MAN1A1: variants seen among roughly 807,000 people sequenced by gnomAD.
The protein encoded by MAN1A1 is mannosyl-oligosaccharide 1,2-alpha-mannosidase IA.
A neutral mutation model predicts 70.8 loss-of-function variants in MAN1A1; 29 were observed. The ratio of observed to expected loss-of-function variants is 0.41; its 90% CI spans 0.31 to 0.56. The LOEUF (loss-of-function observed/expected upper bound fraction) is 0.56, where lower values mean the gene tolerates loss of function less well. Among genes scored for constraint, MAN1A1 ranks in the 20% least tolerant of loss-of-function variants. The pLI, the probability that MAN1A1 is intolerant of heterozygous loss-of-function variation, is 0.29. For missense variants in MAN1A1, 747 were observed against 841.3 expected (o/e 0.89, Z 1.39); for synonymous variants, 349 against 330.1 (o/e 1.06, Z -0.62).
At position 119,179,917 on chromosome 6, in the gene MAN1A1, C is replaced by T. The variant is rs778650770; in HGVS notation, c.1864G>A (p.Asp622Asn). ...KYLYLIFSDD[D>N]LLPLEHWIFN... ...ATCCAATGCTCCAGTGGAAGAAGATCGTCGTCAGAAAATATTAGGTACAAA... is the reference window on the plus strand; with the variant it reads ...ATCCAATGCTCCAGTGGAAGAAGATTGTCGTCAGAAAATATTAGGTACAAA... Residue 622 changes from aspartate (D) to asparagine (N), a missense_variant, in exon 13 of 13, where the codon GAT becomes AAT. Around this residue, in one of 2 missense-constraint regions of MAN1A1, gnomAD observed 419 missense variants for 548.2 expected, o/e 0.76. Coordinates refer to ENST00000368468, the MANE Select transcript of MAN1A1 (RefSeq NM_005907.4). The T allele has an allele frequency of 3.1e-6, 5 of 1,613,544 alleles. No individual in the cohort carries two copies. Among genetic ancestry groups the T allele is most frequent in the East Asian group, 2.2e-5 (1 of 44,860 alleles).
chr6:119,180,740 C>A (rs1030516322), intron 11 of MAN1A1, among the ~76,000 whole-genome samples: 1 of 151,902 alleles, frequency 6.6e-6, no homozygotes, highest in African/African-American at 2.4e-5. Flanking sequence ...TCTCAAACTC[C>A]TGGGCTCAAG....
At chr6:119,213,600 A>T (rs1364666168) in intron 6 of MAN1A1, among the ~76,000 whole-genome samples, 1 of 152,186 alleles carries the variant, frequency 6.6e-6, no homozygotes, top group Non-Finnish European at 1.5e-5. Context: ...ATCTGCATAT[A>T]ATCAGCTCTT....
chr6:119,325,621 C>T (rs529313508), intron 2 of MAN1A1, among the ~76,000 whole-genome samples: 9 of 152,280 alleles, frequency 5.9e-5, no homozygotes, highest in Admixed American at 5.2e-4. Context: ...TGCACCACTG[C>T]ACCCCAACGT....
chr6:119,213,428 A>T lies in MAN1A1; in HGVS notation c.993-8546T>A, dbSNP rs373909318. Among the ~76,000 whole-genome samples, 183 of 152,346 alleles carry T rather than the reference A, an allele frequency of 1.2e-3. 1 individual carries two copies. Among genetic ancestry groups the T allele is most frequent in the African/African-American group, 4.2e-3 (173 of 41,592 alleles). ...ACATAAAGATTAAAGAAAAAGACAAAAGAATAAAAAGGACAATAAAGAATA... is the reference window on the plus strand; with the variant it reads ...ACATAAAGATTAAAGAAAAAGACAATAGAATAAAAAGGACAATAAAGAATA... On this transcript the variant is annotated intron_variant, in intron 6 of 12. Transcript: ENST00000368468.
At chr6:119,263,450 T>C (rs532492027) in intron 5 of MAN1A1, among the ~76,000 whole-genome samples, 142 of 152,148 alleles carry the variant, frequency 9.3e-4, no homozygotes, top group African/African-American at 3.2e-3. Context: ...GAGCTAAACA[T>C]TGAGTACATA....
chr6:119,344,354 T>C (rs1052085054), intron 2 of MAN1A1, among the ~76,000 whole-genome samples: 7 of 152,238 alleles, frequency 4.6e-5, no homozygotes, highest in Admixed American at 1.3e-4. Context: ...TATGTATTTT[T>C]TTGCTTTTGT....
chr6:119,200,846 C>G (rs1365656171), intron 8 of MAN1A1, among the ~76,000 whole-genome samples: 2 of 152,188 alleles, frequency 1.3e-5, no homozygotes. Context: ...AGGCTCCTCT[C>G]TCATTATATA....
intron 6 of MAN1A1, among the ~76,000 whole-genome samples, chr6:119,247,683 T>C (rs1467398169): frequency 6.6e-6 from 1 of 152,152 alleles, no homozygotes; most frequent in African/African-American, 2.4e-5. Context: ...TCTCAAGAAC[T>C]TGGCATATCA....
intron 6 of MAN1A1, among the ~76,000 whole-genome samples, chr6:119,207,697 A>G (rs533037638): frequency 3.3e-5 from 5 of 152,340 alleles, no homozygotes; most frequent in African/African-American, 1.2e-4. Flanking sequence ...TGAGGAATCT[A>G]TGTGTTTATA....
intron 6 of MAN1A1, among the ~76,000 whole-genome samples, chr6:119,242,312 T>C (rs1775034856): frequency 6.6e-6 from 1 of 152,148 alleles, no homozygotes; most frequent in South Asian, 2.1e-4. Flanking sequence ...AGGGAGCAAA[T>C]TTAGTTTTGA....
chr6:119,301,900 A>G (rs1167855689), intron 4 of MAN1A1, 88 bp downstream of exon 4: 1 of 684,736 alleles, frequency 1.5e-6, no homozygotes, highest in Non-Finnish European at 2.6e-6. Flanking sequence ...GTTAGGGTAC[A>G]TTATAATACA....
At position 119,348,963 on chromosome 6, in the gene MAN1A1, C is replaced by A. The variant is rs1427096351; in HGVS notation, c.103G>T (p.Ala35Ser). Residue 35 changes from alanine (A) to serine (S), a missense_variant, in exon 2 of 13, where the codon GCC becomes TCC. This residue lies in a region of MAN1A1 where 328 missense variants were observed against 293.1 expected (regional missense o/e 1.12). Coordinates refer to ENST00000368468, the MANE Select transcript of MAN1A1 (RefSeq NM_005907.4). ...GGGRKGSGPA[A>S]LRLTEKFVLL... ...ACGAACTTCTCCGTCAGGCGGAGGG[C>A]GGCGGGGCCCGACCCCTTCCTGCCA... 1.3e-6 allele frequency: 2 copies of A among 1,518,924 alleles called. No individual in the cohort carries two copies. The highest frequency in any genetic ancestry group is 1.2e-5 in the South Asian group (1 of 80,004). 94.1% of individuals were successfully genotyped at this position (1,518,924 alleles called of 1,614,324 possible).
chr6:119,183,565 C>A (rs1293689335), intron 11 of MAN1A1, among the ~76,000 whole-genome samples: 1 of 152,148 alleles, frequency 6.6e-6, no homozygotes, highest in East Asian at 1.9e-4. Flanking sequence ...ATCCCAAAAC[C>A]TTTTCTTAGT....
At chr6:119,196,070 G>T (rs1773561523) in intron 8 of MAN1A1, among the ~76,000 whole-genome samples, 1 of 152,086 alleles carries the variant, frequency 6.6e-6, no homozygotes. Context: ...GAAGTGATAG[G>T]AAATGATGGC....
chr6:119,319,784 T>A (rs195054), intron 2 of MAN1A1, among the ~76,000 whole-genome samples: 17,811 of 152,240 alleles, frequency 0.12, 1,468 homozygotes, highest in Admixed American at 0.25. Flanking sequence ...TGTTCTTTCC[T>A]GGCCTCTTCA....
rs1487227755 is a variant in MAN1A1 at position 119,348,510 on chromosome 6, C to T, written c.556G>A (p.Glu186Lys). The T allele has an allele frequency of 1.2e-6, 2 of 1,610,864 alleles. No individual in the cohort carries two copies. The highest frequency in any genetic ancestry group is 1.7e-6 in the Non-Finnish European group (2 of 1,178,490). Residue 186 changes from glutamate (E) to lysine (K), a missense_variant, in exon 2 of 13, where the codon GAG becomes AAG. This residue lies in a region of MAN1A1 where 328 missense variants were observed against 293.1 expected (regional missense o/e 1.12). Coordinates refer to ENST00000368468, the MANE Select transcript of MAN1A1 (RefSeq NM_005907.4). The stretch of plus-strand genomic sequence containing the variant: ...TCGCGGATGGCGGCGTCGGCGGGCT[C>T]CCGGCTCTCCACCCCGATTGGGGGC... The part of the protein sequence containing the change: ...FVPPIGVESR[E>K]PADAAIREKR...
At chr6:119,184,854 T>C (rs1282485074) in intron 11 of MAN1A1, among the ~76,000 whole-genome samples, 1 of 152,080 alleles carries the variant, frequency 6.6e-6, no homozygotes, top group Non-Finnish European at 1.5e-5. Context: ...AGTTATCAGA[T>C]GTTTAAATGG....
intron 5 of MAN1A1, among the ~76,000 whole-genome samples, chr6:119,273,523 T>C (rs867704006): frequency 6.6e-6 from 1 of 152,220 alleles, no homozygotes; most frequent in Middle Eastern, 3.2e-3. Context: ...ATATTTGAGA[T>C]GTTTCTTCTT....
At chr6:119,257,521 A>T (rs927016385) in intron 5 of MAN1A1, among the ~76,000 whole-genome samples, 15 of 152,188 alleles carry the variant, frequency 9.9e-5, no homozygotes, top group African/African-American at 3.6e-4. Context: ...ATCAAAAAAA[A>T]TACTGTATTG....
Sources: allele counts gnomAD v4.1 joint callset (sites outside exome capture counted in the v4.1 genomes callset), GRCh38; gene constraint gnomAD v4.1.1; regional missense constraint gnomAD v4.1.1; transcripts MANE v1.5; gene names NCBI Gene and HGNC (gene_info 2026-07-23, HGNC 2026-07-21).